The following CREB5 variants were observed in gnomAD, a reference collection of about 807,000 sequenced individuals.
CREB5 encodes the protein cAMP responsive element binding protein 5.
A neutral mutation model predicts 57.1 loss-of-function variants in CREB5; 19 were observed. The ratio of observed to expected loss-of-function variants is 0.33; its 90% CI spans 0.23 to 0.49. The LOEUF (loss-of-function observed/expected upper bound fraction) is 0.49. Ranked by LOEUF, CREB5 falls within the 20% of genes least tolerant of loss-of-function variation. The pLI is 0.99. For missense variants in CREB5, 579 were observed against 671.6 expected, an observed-to-expected ratio of 0.86 and a Z score of 1.52; for synonymous variants, 238 against 238.3, an observed-to-expected ratio of 1.00 and a Z score of 0.01.
intron 7 of CREB5, among the ~76,000 whole-genome samples, chr7:28,778,574 G>A (rs1806790248): frequency 6.6e-6 from 1 of 151,836 alleles, no homozygotes; most frequent in Non-Finnish European, 1.5e-5. Context: ...TATTTCCATG[G>A]GCATATAAAT....
At chr7:28,655,572 G>A (rs1381008236) in intron 5 of CREB5, among the ~76,000 whole-genome samples, 2 of 152,178 alleles carry the variant, frequency 1.3e-5, no homozygotes, top group Non-Finnish European at 2.9e-5. Context: ...CTGCGTTCAT[G>A]CCACTGCACT....
At chr7:28,721,911 C>T (rs773311274) in intron 6 of CREB5, among the ~76,000 whole-genome samples, 10 of 152,196 alleles carry the variant, frequency 6.6e-5, no homozygotes, top group Non-Finnish European at 8.8e-5. Flanking sequence ...AAGGTGAAAT[C>T]CTTTACATGG....
At chr7:28,454,423 T>A (rs759496115) in intron 1 of CREB5, among the ~76,000 whole-genome samples, 3 of 152,184 alleles carry the variant, frequency 2.0e-5, no homozygotes, top group Non-Finnish European at 4.4e-5. Context: ...GTGAGGATAG[T>A]GAGGCAGCAT....
intron 5 of CREB5, among the ~76,000 whole-genome samples, chr7:28,578,842 A>G (rs1796005216): frequency 6.6e-6 from 1 of 152,228 alleles, no homozygotes; most frequent in African/African-American, 2.4e-5. Flanking sequence ...CATCTTTTAT[A>G]TCCTTTCTAA....
rs533288988 is a variant in CREB5, at chr7:28,518,657, A to G, written c.291+10920A>G. ...TGTAACCCCACTTGGTTGGTCTCCAAATGGCTAGAGGGAAACAAGATGGCC... is the reference window on the plus strand; with the variant it reads ...TGTAACCCCACTTGGTTGGTCTCCAGATGGCTAGAGGGAAACAAGATGGCC... On this transcript the variant is annotated intron_variant, in intron 4 of 10. Coordinates refer to ENST00000357727, the MANE Select transcript of CREB5 (RefSeq NM_182898.4). Among the ~76,000 whole-genome samples, 7 of 152,182 alleles carry G rather than the reference A, an allele frequency of 4.6e-5. No individual in the cohort carries two copies. In the East Asian group the frequency reaches 1.2e-3, roughly 25 times the overall value.
Position 28,573,997 on chromosome 7 carries a change from A to C in CREB5, c.464+3460A>C, listed in dbSNP as rs531735710. Among the ~76,000 whole-genome samples, 86 of 152,306 alleles carry C rather than the reference A, an allele frequency of 5.6e-4. 1 individual carries two copies. Among genetic ancestry groups the C allele is most frequent in the African/African-American group, 2.0e-3 (83 of 41,568 alleles). On this transcript the variant is annotated intron_variant, in intron 5 of 10. Transcript: ENST00000357727. ...ACCAGAGGTAAATATAAATATCTCA[A>C]ATTGCTCTTGTGTGGTTGGGCAGAC...
At chr7:28,513,708 G>A (rs1406786142) in intron 4 of CREB5, 1 of 152,198 alleles carries the variant, frequency 6.6e-6, no homozygotes, top group African/African-American at 2.4e-5. Context: ...CCACTCAGGG[G>A]AATGACTAAA....
At chr7:28,398,190 A>G (rs1316283839) in intron 1 of CREB5, among the ~76,000 whole-genome samples, 1 of 152,072 alleles carries the variant, frequency 6.6e-6, no homozygotes, top group Non-Finnish European at 1.5e-5. Flanking sequence ...ACCACCTTTA[A>G]TGGTACCACC....
chr7:28,469,310 G>A (rs774901763), intron 1 of CREB5, among the ~76,000 whole-genome samples: 2 of 152,156 alleles, frequency 1.3e-5, no homozygotes, highest in African/African-American at 4.8e-5. Context: ...TAACAAATAC[G>A]CCTATGGATT....
At chr7:28,402,825 C>G (rs1043297118) in intron 1 of CREB5, among the ~76,000 whole-genome samples, 6 of 152,028 alleles carry the variant, frequency 3.9e-5, no homozygotes, top group African/African-American at 1.4e-4. Flanking sequence ...TTGACAAATG[C>G]GATCTAATTA....
intron 7 of CREB5, among the ~76,000 whole-genome samples, chr7:28,797,661 C>T (rs1219477442): frequency 1.3e-5 from 2 of 152,210 alleles, no homozygotes; most frequent in Non-Finnish European, 2.9e-5. Context: ...ATCCCATGCA[C>T]AGCACGGAAC....
At chr7:28,311,540 A>G (rs1282698831) in intron 1 of CREB5, among the ~76,000 whole-genome samples, 1 of 152,220 alleles carries the variant, frequency 6.6e-6, no homozygotes, top group African/African-American at 2.4e-5. Flanking sequence ...TCGGTCCTAC[A>G]CAATGTACTT....
intron 5 of CREB5, among the ~76,000 whole-genome samples, chr7:28,706,899 G>T (rs1802137286): frequency 6.6e-6 from 1 of 152,180 alleles, no homozygotes; most frequent in Non-Finnish European, 1.5e-5. Flanking sequence ...TGACATAGGG[G>T]TATAGCTGCC....
intron 2 of CREB5, among the ~76,000 whole-genome samples, chr7:28,492,346 GAAGGA>G (rs1791842993): frequency 6.6e-6 from 1 of 152,198 alleles, no homozygotes; most frequent in South Asian, 2.1e-4. Context: ...CTTTGTCTCA[GAAGGA>G]AGAGTTTCTC....
At chr7:28,735,501 C>G (rs927228279) in intron 7 of CREB5, among the ~76,000 whole-genome samples, 18 of 152,106 alleles carry the variant, frequency 1.2e-4, no homozygotes, top group Non-Finnish European at 2.1e-4. Context: ...TAAACTTTAT[C>G]ATTATCATTG....
At chr7:28,414,187 A>C (rs1768836380) in intron 1 of CREB5, among the ~76,000 whole-genome samples, 1 of 151,970 alleles carries the variant, frequency 6.6e-6, no homozygotes. Context: ...TCTTCTAAGC[A>C]ATGCAGTTAG....
intron 1 of CREB5, among the ~76,000 whole-genome samples, chr7:28,435,359 G>A (rs1419174226): frequency 6.7e-6 from 1 of 149,348 alleles, no homozygotes; most frequent in Admixed American, 6.7e-5. Context: ...GTGGGGATGT[G>A]CATTTTGACC....
At position 28,450,854 on chromosome 7, in the gene CREB5, A is replaced by C. The variant is rs188999829; in HGVS notation, c.4-37321A>C. ...CGGGTGTTTGGAGTGGTTGGTGATGAAGTAGATGCATATCTTTATGGCATT... is the reference window on the plus strand; with the variant it reads ...CGGGTGTTTGGAGTGGTTGGTGATGCAGTAGATGCATATCTTTATGGCATT... On this transcript the variant is annotated intron_variant, in intron 1 of 10. Transcript: ENST00000357727. 1.8e-3 allele frequency among the ~76,000 whole-genome samples: 278 copies of C among 152,254 alleles called. 3 individuals are homozygous for C. Among genetic ancestry groups the C allele is most frequent in the Non-Finnish European group, 1.2e-3 (82 of 68,016 alleles).
chr7:28,538,781 ATATAT>A (rs10537841), intron 4 of CREB5, among the ~76,000 whole-genome samples: 4,005 of 152,156 alleles, frequency 0.026, 158 homozygotes, highest in African/African-American at 0.092. Context: ...CACAAATTTG[ATATAT>A]TATGTTTTTA....
Sources: allele counts gnomAD v4.1 joint callset (sites outside exome capture counted in the v4.1 genomes callset), GRCh38; gene constraint gnomAD v4.1.1; transcripts MANE v1.5; gene names NCBI Gene and HGNC (gene_info 2026-07-23, HGNC 2026-07-21).